RTKN2: variants seen among roughly 807,000 people sequenced by gnomAD.
The protein encoded by RTKN2 is rhotekin-2.
In RTKN2, 69 loss-of-function variants were observed where a neutral mutation model predicts 71.5. The ratio of observed to expected loss-of-function variants is 0.96; its 90% CI spans 0.79 to 1.18. RTKN2 has a LOEUF of 1.18. Among genes scored for constraint, RTKN2 ranks in the 50% most tolerant of loss-of-function variants. The pLI is 0.00. For synonymous variants in RTKN2, 236 were observed against 236.5 expected (o/e 1.00, Z 0.02); for missense variants, 724 against 719.7 (o/e 1.01, Z -0.07).
At position 62,209,421 on chromosome 10, in the gene RTKN2, G is replaced by C. The variant is rs1036037877; in HGVS notation, c.1021-4399C>G. Among the ~76,000 whole-genome samples, 124 of 152,040 alleles carry C rather than the reference G, an allele frequency of 8.2e-4. 1 individual carries two copies. The highest frequency in any genetic ancestry group is 8.1e-3 in the Admixed American group (123 of 15,274). ...TGTGTGTGTTTGAAGTGGGGAGTTA[G>C]AGGTGTGAGTGAGCATAAGCCAACA... On this transcript the variant is annotated intron_variant, in intron 9 of 11. Transcript: ENST00000373789.
chr10:62,255,416 G>A (rs1399203148), intron 2 of RTKN2, among the ~76,000 whole-genome samples: 1 of 152,146 alleles, frequency 6.6e-6, no homozygotes, highest in Non-Finnish European at 1.5e-5. Context: ...AGCAAGAATG[G>A]ATCGTCTTTT....
Position 62,197,620 on chromosome 10 carries a change from T to C in RTKN2, c.*288A>G, listed in dbSNP as rs901293767. 3.4e-6 allele frequency: 4 copies of C among 1,173,026 alleles called. No homozygotes were observed. Among genetic ancestry groups the C allele is most frequent in the Non-Finnish European group, 4.2e-6 (4 of 949,046 alleles). The allele number at this position is 1,173,026 out of a possible 1,614,324, so 72.7% of individuals were successfully genotyped here. A position where few individuals can be genotyped will look rare whatever the true frequency, so the allele number is the denominator to read the frequency against. Reference sequence around the variant, plus strand: ...AATGCTTTATTCTGCCTAGGGCTTATTCACTGCCTGGTACTAATTCAGGAA... The same window carrying C: ...AATGCTTTATTCTGCCTAGGGCTTACTCACTGCCTGGTACTAATTCAGGAA... On this transcript the variant is annotated 3_prime_UTR_variant, in exon 12 of 12. Transcript: ENST00000373789.
downstream of RTKN2, among the ~76,000 whole-genome samples, chr10:62,192,042 A>G (rs1841230890): frequency 1.4e-5 from 2 of 143,202 alleles, no homozygotes; most frequent in South Asian, 4.2e-4. Context: ...CAACTATATT[A>G]TAAGGTTTTT....
At chr10:62,223,064 G>A (rs1001253132) in intron 7 of RTKN2, among the ~76,000 whole-genome samples, 174 bp downstream of exon 7, 1 of 152,134 alleles carries the variant, frequency 6.6e-6, no homozygotes, top group African/African-American at 2.4e-5. Context: ...TCTCAGTGTA[G>A]AGAAAGGAAA....
chr10:62,259,833 T>G (rs1378820977), intron 2 of RTKN2, among the ~76,000 whole-genome samples: 1 of 152,170 alleles, frequency 6.6e-6, no homozygotes, highest in Non-Finnish European at 1.5e-5. Flanking sequence ...ATTACAGGTG[T>G]GAACCACTTC....
chr10:62,219,041 T>A (rs1841844847), intron 7 of RTKN2, among the ~76,000 whole-genome samples: 1 of 152,026 alleles, frequency 6.6e-6, no homozygotes, highest in South Asian at 2.1e-4. Context: ...TAAGATAACT[T>A]CATCAACATT....
At chr10:62,241,575 C>T (rs771674581) in intron 3 of RTKN2, among the ~76,000 whole-genome samples, 3 of 152,006 alleles carry the variant, frequency 2.0e-5, no homozygotes, top group South Asian at 2.1e-4. Context: ...CAACACCATA[C>T]TATTTTTCTT....
chr10:62,236,971 G>C (rs1032340358), intron 5 of RTKN2, among the ~76,000 whole-genome samples: 11 of 151,912 alleles, frequency 7.2e-5, no homozygotes, highest in Admixed American at 3.3e-4. Flanking sequence ...GGCAAGGACT[G>C]GGGGAGAGGA....
At chr10:62,238,652 A>G (rs1842308102) in intron 5 of RTKN2, 1 of 152,056 alleles carries the variant, frequency 6.6e-6, no homozygotes, top group Non-Finnish European at 1.5e-5. Flanking sequence ...CTTTGGTTCA[A>G]TACAGCTTGT....
At chr10:62,215,355 G>A (rs1047533252) in intron 9 of RTKN2, among the ~76,000 whole-genome samples, 1 of 151,822 alleles carries the variant, frequency 6.6e-6, no homozygotes, top group Non-Finnish European at 1.5e-5. Flanking sequence ...TGTAATGAAA[G>A]GCATAAATAA....
chr10:62,249,496 G>T (rs1842540457), intron 2 of RTKN2, among the ~76,000 whole-genome samples: 1 of 151,928 alleles, frequency 6.6e-6, no homozygotes. Context: ...ACTTTGTTCA[G>T]TGCTCTATCA....
intron 8 of RTKN2, chr10:62,184,397 A>C (rs1841102314): frequency 6.8e-7 from 1 of 1,473,804 alleles, no homozygotes; most frequent in Non-Finnish European, 9.2e-7. Flanking sequence ...TCTGAAAAAC[A>C]AAAAAAATCA....
At position 62,218,227 on chromosome 10, in the gene RTKN2, C is replaced by T. The variant is rs1841819918; in HGVS notation, c.856G>A (p.Glu286Lys). The T allele has an allele frequency of 1.9e-6, 3 of 1,613,354 alleles. No individual in the cohort carries two copies. The highest frequency in any genetic ancestry group is 2.5e-6 in the Non-Finnish European group (3 of 1,179,556). ...TTAAGAAATCCTGCAAATGCATCCT[C>T]AGCCATACAAGCTGGCTGGGCAACT... ...RLVAQPACMA[E>K]DAFAGFLNQQ... The change falls in exon 8 of 12, where the codon GAG becomes AAG. Residue 286 changes from glutamate (E) to lysine (K), a missense_variant. By Grantham distance (56) the Glu-to-Lys change is moderately conservative. Coordinates refer to ENST00000373789, the MANE Select transcript of RTKN2 (RefSeq NM_145307.4).
Position 62,198,431 on chromosome 10 carries a change from G to A in RTKN2, c.1307C>T (p.Pro436Leu). 6.7e-7 allele frequency: 1 copy of A among 1,497,240 alleles called. No individual in the cohort carries two copies. Among genetic ancestry groups the A allele is most frequent in the Non-Finnish European group, 9.0e-7 (1 of 1,108,954 alleles). 92.7% of individuals were successfully genotyped at this position (1,497,240 alleles called of 1,614,324 possible). Residue 436 changes from proline to leucine, a missense_variant, in exon 12 of 12, where the codon CCT (proline) becomes CTT (leucine). Physicochemically the swap from Pro to Leu is moderately conservative, Grantham distance 98. Transcript: ENST00000373789. ...SVYHDMSIDS[P>L]MKLESLTDII... ...ATCCGTTAAACTTTCAAGTTTCATA[G>A]GTGAATCAATGCCTATAATAATTTT... is the stretch of plus-strand genomic sequence containing the variant.
intron 8 of RTKN2, among the ~76,000 whole-genome samples, chr10:62,186,237 T>G (rs1183029295): frequency 6.6e-6 from 1 of 152,208 alleles, no homozygotes; most frequent in Admixed American, 6.5e-5. Context: ...TTGTTTTACA[T>G]TAGGGGCATT....
intron 9 of RTKN2, among the ~76,000 whole-genome samples, chr10:62,216,417 G>C (rs1564507165): frequency 6.6e-6 from 1 of 151,962 alleles, no homozygotes; most frequent in Non-Finnish European, 1.5e-5. Context: ...AATGAGGAAA[G>C]AAAAATCCTC....
At chr10:62,188,757 T>A (rs544656623), downstream of RTKN2, among the ~76,000 whole-genome samples, 21 of 151,692 alleles carry the variant, frequency 1.4e-4, no homozygotes, top group South Asian at 3.9e-3. Context: ...TAAATTTTTT[T>A]ATTTTTTTGA....
chr10:62,233,782 T>G (rs983952406), intron 6 of RTKN2, among the ~76,000 whole-genome samples: 1 of 152,152 alleles, frequency 6.6e-6, no homozygotes, highest in Non-Finnish European at 1.5e-5. Flanking sequence ...GCATGTAATA[T>G]ATATCACATG....
intron 2 of RTKN2, among the ~76,000 whole-genome samples, chr10:62,255,238 C>T (rs1473708710): frequency 6.6e-6 from 1 of 151,998 alleles, no homozygotes; most frequent in African/African-American, 2.4e-5. Flanking sequence ...ATGATTTTTT[C>T]ATCTCTTTCA....
Sources: gnomAD v4.1 joint callset for allele counts (sites outside exome capture counted in the v4.1 genomes callset) on GRCh38, gnomAD v4.1.1 for gene constraint, MANE v1.5 for transcripts, NCBI Gene and HGNC (gene_info 2026-07-23, HGNC 2026-07-21) for gene names.